VDAC1: variants seen among roughly 807,000 people sequenced by gnomAD.
VDAC1 encodes voltage dependent anion channel 1.
Under a neutral mutation model 34.7 loss-of-function variants are expected in VDAC1, and 10 were observed. That is an observed-to-expected ratio of 0.29 (90% CI 0.18 to 0.49). The LOEUF (loss-of-function observed/expected upper bound fraction) is 0.49, where lower values mean the gene tolerates loss of function less well. Ranked by LOEUF, VDAC1 falls within the 20% of genes least tolerant of loss-of-function variation. VDAC1 has a pLI of 0.99. For synonymous variants in VDAC1, 130 were observed against 136.0 expected (o/e 0.96, Z 0.30); for missense variants, 230 against 347.9 (o/e 0.66, Z 2.69).
the VDAC1 span, among the ~76,000 whole-genome samples, chr5:134,014,064 C>T: frequency 2.0e-5 from 3 of 152,038 alleles, no homozygotes; most frequent in Admixed American, 6.6e-5. Flanking sequence ...CCAAGGTGGG[C>T]GGATCACCTG....
chr5:134,017,912 CA>C, the VDAC1 span, among the ~76,000 whole-genome samples: 13 of 152,002 alleles, frequency 8.6e-5, no homozygotes, highest in Middle Eastern at 3.2e-3. Context: ...GACTCCGTCT[CA>C]AAAAAATAAA....
In VDAC1 at chr5:133,993,013, C is replaced by T. The variant is rs765780774; in HGVS notation, c.-1G>A. ...CGGCATACGTGGGTGGCACAGCCAT[C>T]TTCTGCTATGATAAAAGAATCACCA... On this transcript the variant is annotated 5_prime_UTR_variant, in exon 2 of 9. Transcript: ENST00000265333. 1 of 1,611,636 alleles carries T rather than the reference C, an allele frequency of 6.2e-7. No homozygotes were observed. The highest frequency in any genetic ancestry group is 1.1e-5 in the South Asian group (1 of 90,440).
chr5:134,041,532 G>A, the VDAC1 span, among the ~76,000 whole-genome samples: 1 of 152,302 alleles, frequency 6.6e-6, no homozygotes, highest in South Asian at 2.1e-4. Flanking sequence ...AGGGAGCCCT[G>A]GACATCAGCG....
chr5:133,975,833 G>GGCCT (rs1158371584), intron 7 of VDAC1, 38 bp downstream of exon 7: 6 of 1,607,846 alleles, frequency 3.7e-6, no homozygotes, highest in Non-Finnish European at 5.1e-6. Flanking sequence ...AGAGCAGATG[G>GGCCT]GCCTGCCTGT....
chr5:134,064,492 T>TG, the VDAC1 span, among the ~76,000 whole-genome samples: 3 of 151,666 alleles, frequency 2.0e-5, no homozygotes, highest in African/African-American at 4.8e-5. Flanking sequence ...TTAGTAGAGA[T>TG]GGGGTTTCAC....
the VDAC1 span, among the ~76,000 whole-genome samples, chr5:134,060,931 G>A: frequency 7.6e-6 from 1 of 131,548 alleles, no homozygotes; most frequent in Non-Finnish European, 1.6e-5. Context: ...AGGCTGGAGT[G>A]CAATGGTGCG....
At chr5:134,075,511 CACT>C in the VDAC1 span, among the ~76,000 whole-genome samples, 1 of 152,216 alleles carries the variant, frequency 6.6e-6, no homozygotes, top group Non-Finnish European at 1.5e-5. Context: ...CTGTTATTCA[CACT>C]ACTATTCATA....
chr5:134,077,734 A>G, the VDAC1 span, among the ~76,000 whole-genome samples: 59 of 152,318 alleles, frequency 3.9e-4, no homozygotes, highest in Non-Finnish European at 7.8e-4. Flanking sequence ...TTGCCCCCCA[A>G]GCATCTACCC....
At chr5:134,016,967 A>G in the VDAC1 span, among the ~76,000 whole-genome samples, 1 of 152,196 alleles carries the variant, frequency 6.6e-6, no homozygotes, top group East Asian at 1.9e-4. Flanking sequence ...CACAGTCTGT[A>G]GGGGGCATGG....
the VDAC1 span, among the ~76,000 whole-genome samples, chr5:134,105,828 A>AGG: frequency 6.6e-6 from 1 of 152,186 alleles, no homozygotes; most frequent in African/African-American, 2.4e-5. Flanking sequence ...TGACTTTGGG[A>AGG]GGTGCCCACA....
At chr5:134,099,259 G>C in the VDAC1 span, among the ~76,000 whole-genome samples, 1 of 152,310 alleles carries the variant, frequency 6.6e-6, no homozygotes, top group South Asian at 2.1e-4. Flanking sequence ...GTCTGGCTTG[G>C]GGAGGGTGGC....
At chr5:134,113,162 C>A in the VDAC1 span, among the ~76,000 whole-genome samples, 1 of 152,218 alleles carries the variant, frequency 6.6e-6, no homozygotes, top group African/African-American at 2.4e-5. Flanking sequence ...CGAGACTAAG[C>A]GGCAAGCCCA....
chr5:133,994,813 A>AG (rs1753234830), intron 1 of VDAC1, among the ~76,000 whole-genome samples: 1 of 152,016 alleles, frequency 6.6e-6, no homozygotes, highest in African/African-American at 2.4e-5. Context: ...TATGCCTCCC[A>AG]GGGGGGCCAC....
chr5:134,021,876 A>AT, the VDAC1 span, among the ~76,000 whole-genome samples: 59,769 of 133,162 alleles, frequency 0.45, 14,227 homozygotes, highest in South Asian at 0.52. Context: ...AAAGCCTGTG[A>AT]TTTTTTTTTT....
chr5:134,068,730 C>T, the VDAC1 span, among the ~76,000 whole-genome samples: 8 of 152,168 alleles, frequency 5.3e-5, no homozygotes, highest in Non-Finnish European at 1.2e-4. Context: ...GAGTCACAGA[C>T]CCAACAGTTC....
the VDAC1 span, among the ~76,000 whole-genome samples, chr5:134,047,984 A>C: frequency 1.4e-5 from 2 of 140,370 alleles, no homozygotes; most frequent in African/African-American, 2.7e-5. Flanking sequence ...GCACCACTAC[A>C]CTCCAGCCTG....
chr5:134,005,759 C>T (rs910661994), upstream of VDAC1, among the ~76,000 whole-genome samples: 1 of 152,178 alleles, frequency 6.6e-6, no homozygotes, highest in Non-Finnish European at 1.5e-5. Context: ...CTGAGTGTCC[C>T]CTGTGTTACG....
the VDAC1 span, among the ~76,000 whole-genome samples, chr5:134,098,085 G>A: frequency 6.6e-6 from 1 of 151,836 alleles, no homozygotes; most frequent in Non-Finnish European, 1.5e-5. Flanking sequence ...TGCCTAGGCT[G>A]GTCTCAAACT....
At chr5:133,992,465 C>T in intron 2 of VDAC1, 110 bp from the exon 3 acceptor site, 1 of 752,504 alleles carries the variant, frequency 1.3e-6, no homozygotes, top group Non-Finnish European at 2.0e-6. Flanking sequence ...CACACTCCTG[C>T]CACAGGGGCT....
Sources: gnomAD v4.1 joint callset for allele counts (sites outside exome capture counted in the v4.1 genomes callset) on GRCh38, gnomAD v4.1.1 for gene constraint, MANE v1.5 for transcripts, NCBI Gene and HGNC (gene_info 2026-07-23, HGNC 2026-07-21) for gene names.